ADAMTS6: variants seen among roughly 807,000 people sequenced by gnomAD.
ADAMTS6 encodes A disintegrin and metalloproteinase with thrombospondin motifs 6.
ADAMTS6 carries 23 observed loss-of-function variants against 144.3 expected under a neutral mutation model. The ratio of observed to expected loss-of-function variants is 0.16; its 90% CI spans 0.11 to 0.23. The LOEUF is 0.23. Among genes scored for constraint, ADAMTS6 ranks in the 10% least tolerant of loss-of-function variants. The pLI is 1.00. For missense variants in ADAMTS6, 999 were observed against 1,379.6 expected, an observed-to-expected ratio of 0.72 and a Z score of 4.37; for synonymous variants, 444 against 457.5, an observed-to-expected ratio of 0.97 and a Z score of 0.38.
At chr5:65,180,759 C>G (rs990106010) in intron 22 of ADAMTS6, among the ~76,000 whole-genome samples, 1 of 152,120 alleles carries the variant, frequency 6.6e-6, no homozygotes, top group African/African-American at 2.4e-5. Flanking sequence ...AATTCAAACT[C>G]TATATATGCT....
intron 7 of ADAMTS6, among the ~76,000 whole-genome samples, chr5:65,374,896 T>C (rs1035861074): frequency 6.6e-6 from 1 of 152,190 alleles, no homozygotes; most frequent in African/African-American, 2.4e-5. Context: ...AGCATGGCAC[T>C]GGTACCAAAA....
At chr5:65,388,164 G>A (rs560558051) in intron 7 of ADAMTS6, among the ~76,000 whole-genome samples, 8 of 152,196 alleles carry the variant, frequency 5.3e-5, no homozygotes, top group African/African-American at 7.2e-5. Context: ...AGCCAAGATC[G>A]CGCCATTGCA....
intron 22 of ADAMTS6, among the ~76,000 whole-genome samples, chr5:65,175,478 G>A (rs560519440): frequency 1.4e-4 from 21 of 152,018 alleles, no homozygotes; most frequent in Non-Finnish European, 2.8e-4. Flanking sequence ...GGTATTCTCC[G>A]TAACCCTGTA....
chr5:65,472,470 A>C (rs968121030), intron 2 of ADAMTS6, among the ~76,000 whole-genome samples: 2 of 152,226 alleles, frequency 1.3e-5, no homozygotes, highest in African/African-American at 4.8e-5. Flanking sequence ...TTTATACCTT[A>C]AATGGGTGAA....
At chr5:65,174,228 T>G (rs1405698898) in intron 22 of ADAMTS6, among the ~76,000 whole-genome samples, 1 of 152,184 alleles carries the variant, frequency 6.6e-6, no homozygotes, top group African/African-American at 2.4e-5. Context: ...CCTGGCCGAA[T>G]AAAGCCCTTC....
At chr5:65,407,315 A>G (rs1652742875) in intron 7 of ADAMTS6, among the ~76,000 whole-genome samples, 1 of 151,904 alleles carries the variant, frequency 6.6e-6, no homozygotes, top group African/African-American at 2.4e-5. Context: ...GCCAGAAGAG[A>G]GTGGGGGGCC....
intron 14 of ADAMTS6, among the ~76,000 whole-genome samples, chr5:65,259,870 A>T (rs1008778585): frequency 6.6e-6 from 1 of 152,210 alleles, no homozygotes; most frequent in African/African-American, 2.4e-5. Flanking sequence ...GAAAATGTTA[A>T]CAGTCTAATG....
chr5:65,341,483 A>G (rs1747819189), intron 7 of ADAMTS6, among the ~76,000 whole-genome samples: 1 of 151,988 alleles, frequency 6.6e-6, no homozygotes, highest in African/African-American at 2.4e-5. Flanking sequence ...GACGACTCAA[A>G]TGAATAATAT....
At chr5:65,176,145 G>C (rs1753968226) in intron 22 of ADAMTS6, among the ~76,000 whole-genome samples, 1 of 152,052 alleles carries the variant, frequency 6.6e-6, no homozygotes, top group Admixed American at 6.5e-5. Context: ...CAGAATTTAT[G>C]TAAAAAGAGT....
At chr5:65,190,136 A>G (rs1302742508) in intron 21 of ADAMTS6, among the ~76,000 whole-genome samples, 1 of 152,212 alleles carries the variant, frequency 6.6e-6, no homozygotes, top group Non-Finnish European at 1.5e-5. Flanking sequence ...TATAAAGAAA[A>G]CCAGCATTTA....
At chr5:65,175,372 AAG>A (rs1276625573) in intron 22 of ADAMTS6, among the ~76,000 whole-genome samples, 1 of 148,056 alleles carries the variant, frequency 6.8e-6, no homozygotes, top group Non-Finnish European at 1.5e-5. Context: ...GAAAGAGAGA[AAG>A]AGAGAAATAT....
At chr5:65,242,703 A>G (rs983655146) in intron 14 of ADAMTS6, among the ~76,000 whole-genome samples, 6 of 152,196 alleles carry the variant, frequency 3.9e-5, no homozygotes, top group African/African-American at 1.4e-4. Flanking sequence ...GACAAAAACC[A>G]TACTTTAAAT....
chr5:65,224,213 T>C, intron 18 of ADAMTS6, 107 bp downstream of exon 18: 1 of 889,854 alleles, frequency 1.1e-6, no homozygotes, highest in Non-Finnish European at 1.8e-6. Flanking sequence ...CATTTTAGCA[T>C]GAAAGTGATC....
intron 4 of ADAMTS6, among the ~76,000 whole-genome samples, chr5:65,453,796 T>A (rs1329420550): frequency 6.6e-6 from 1 of 152,182 alleles, no homozygotes; most frequent in Admixed American, 6.5e-5. Context: ...CCCCCACTTA[T>A]TAAAAAATTT....
intron 18 of ADAMTS6, among the ~76,000 whole-genome samples, chr5:65,222,205 G>T (rs1441476099): frequency 6.6e-6 from 1 of 152,118 alleles, no homozygotes; most frequent in East Asian, 1.9e-4. Context: ...TAATGCTTCT[G>T]GATTTCAAGA....
intron 18 of ADAMTS6, among the ~76,000 whole-genome samples, chr5:65,223,983 T>C (rs542738282): frequency 2.0e-5 from 3 of 151,920 alleles, no homozygotes; most frequent in African/African-American, 7.2e-5. Context: ...TGTATTTTTA[T>C]TAGAGATGGG....
chr5:65,160,674 C>CA (rs1752716086), intron 24 of ADAMTS6, among the ~76,000 whole-genome samples: 2 of 85,698 alleles, frequency 2.3e-5, no homozygotes, highest in African/African-American at 9.3e-5. Context: ...TTTTTTGAGA[C>CA]AGAGTTTTGC....
At chr5:65,211,507 TG>T (rs1756531212) in intron 20 of ADAMTS6, among the ~76,000 whole-genome samples, 1 of 151,252 alleles carries the variant, frequency 6.6e-6, no homozygotes, top group African/African-American at 2.4e-5. Context: ...GAGGCTGAGG[TG>T]GAATAGTCAC....
chr5:65,205,403 A>G (rs1441677259), intron 20 of ADAMTS6, among the ~76,000 whole-genome samples: 2 of 152,234 alleles, frequency 1.3e-5, no homozygotes. Context: ...CTGAAAATGT[A>G]AAGCATTTGT....
Sources: gnomAD v4.1 joint callset for allele counts (sites outside exome capture counted in the v4.1 genomes callset) on GRCh38, gnomAD v4.1.1 for gene constraint, MANE v1.5 for transcripts, NCBI Gene and HGNC (gene_info 2026-07-23, HGNC 2026-07-21) for gene names.